The following GALNT13 variants were observed in gnomAD, a reference collection of about 807,000 sequenced individuals.
The protein encoded by GALNT13 is UDP-GalNAc:polypeptide N-acetylgalactosaminyltransferase 13.
GALNT13 carries 28 observed loss-of-function variants against 64.2 expected under a neutral mutation model. The ratio of observed to expected loss-of-function variants is 0.44; its 90% confidence interval spans 0.32 to 0.60. GALNT13 has a LOEUF of 0.60. Ranked by LOEUF, GALNT13 falls within the 20% of genes least tolerant of loss-of-function variation. The pLI is 0.05. For synonymous variants in GALNT13, 214 were observed against 224.6 expected (o/e 0.95, Z 0.42); for missense variants, 577 against 669.8 (o/e 0.86, Z 1.53).
intron 9 of GALNT13, among the ~76,000 whole-genome samples, chr2:154,393,890 A>G (rs1200346617): frequency 6.6e-6 from 1 of 151,118 alleles, no homozygotes; most frequent in East Asian, 2.0e-4. Flanking sequence ...CATCCCGGCT[A>G]AAACGGTGAA....
At chr2:154,107,324 G>A (rs1225647758) in intron 3 of GALNT13, among the ~76,000 whole-genome samples, 6 of 152,168 alleles carry the variant, frequency 3.9e-5, no homozygotes, top group African/African-American at 1.4e-4. Flanking sequence ...GCTGGGCACA[G>A]TGGCTCATGC....
chr2:153,662,398 AC>A, the GALNT13 span, among the ~76,000 whole-genome samples: 14 of 152,252 alleles, frequency 9.2e-5, no homozygotes, highest in Non-Finnish European at 1.6e-4. Flanking sequence ...GACTTGGTGC[AC>A]ATTAATCCCA....
chr2:153,356,739 T>C, the GALNT13 span: 8 of 150,912 alleles, frequency 5.3e-5, no homozygotes, highest in East Asian at 9.8e-4. Flanking sequence ...ATTGTATACA[T>C]AGAGGACAGA....
chr2:154,342,330 T>C (rs1419815818), intron 9 of GALNT13, among the ~76,000 whole-genome samples: 1 of 152,070 alleles, frequency 6.6e-6, no homozygotes, highest in Non-Finnish European at 1.5e-5. Context: ...CAAAATGTGA[T>C]TGAGTTCTTA....
intron 9 of GALNT13, among the ~76,000 whole-genome samples, chr2:154,364,323 CTG>C (rs1697240424): frequency 6.6e-6 from 1 of 152,174 alleles, no homozygotes. Context: ...TTTAACCTAA[CTG>C]TATAAAGCAT....
At chr2:154,165,024 C>A (rs78361073) in intron 4 of GALNT13, among the ~76,000 whole-genome samples, 1 of 151,994 alleles carries the variant, frequency 6.6e-6, no homozygotes, top group South Asian at 2.1e-4. Context: ...AAACTGAAAT[C>A]AAAGTGAAAC....
At chr2:154,003,297 G>A (rs576912838) in intron 3 of GALNT13, among the ~76,000 whole-genome samples, 1 of 152,280 alleles carries the variant, frequency 6.6e-6, no homozygotes, top group African/African-American at 2.4e-5. Context: ...GACTGGTGAG[G>A]AGATTAAACA....
At chr2:153,965,051 G>T (rs13409967) in intron 3 of GALNT13, among the ~76,000 whole-genome samples, 21,053 of 151,902 alleles carry the variant, frequency 0.14, 1,754 homozygotes, top group African/African-American at 0.23. Flanking sequence ...TAATGGAAAG[G>T]ATGTTTCAAT....
intron 3 of GALNT13, among the ~76,000 whole-genome samples, chr2:153,985,649 C>T (rs769034758): frequency 2.0e-5 from 3 of 151,880 alleles, no homozygotes; most frequent in Non-Finnish European, 4.4e-5. Flanking sequence ...TAGTGGACTC[C>T]ATCAGCTTAA....
intron 9 of GALNT13, among the ~76,000 whole-genome samples, chr2:154,375,136 C>G (rs1000206629): frequency 5.3e-5 from 8 of 152,018 alleles, no homozygotes; most frequent in Non-Finnish European, 1.0e-4. Flanking sequence ...TACAGGCGCC[C>G]GCCACCAAGC....
chr2:153,384,791 ATC>A, the GALNT13 span, among the ~76,000 whole-genome samples: 4 of 151,982 alleles, frequency 2.6e-5, no homozygotes, highest in Admixed American at 6.6e-5. Flanking sequence ...AGAAATAAAA[ATC>A]TCTTTTTTTC....
the GALNT13 span, among the ~76,000 whole-genome samples, chr2:153,617,462 C>G: frequency 1.3e-5 from 2 of 151,848 alleles, no homozygotes; most frequent in Non-Finnish European, 2.9e-5. Context: ...ATTTGGCTTT[C>G]TAGTATTTTG....
chr2:154,058,206 GA>G (rs1028462021), intron 3 of GALNT13, among the ~76,000 whole-genome samples: 3 of 152,108 alleles, frequency 2.0e-5, no homozygotes, highest in Non-Finnish European at 4.4e-5. Flanking sequence ...GAGGACATAA[GA>G]AGTTGGCTTT....
intron 9 of GALNT13, among the ~76,000 whole-genome samples, chr2:154,340,888 TTG>T (rs1197539241): frequency 1.1e-5 from 1 of 87,220 alleles, no homozygotes; most frequent in African/African-American, 3.7e-5. Context: ...TCTTTGTTCT[TTG>T]TGTGTATGAG....
At chr2:153,228,657 C>T in the GALNT13 span, among the ~76,000 whole-genome samples, 32 of 151,994 alleles carry the variant, frequency 2.1e-4, no homozygotes, top group East Asian at 5.8e-3. Context: ...GGTGGATCAC[C>T]AGGTCAAGAG....
intron 3 of GALNT13, among the ~76,000 whole-genome samples, chr2:153,961,990 C>T (rs1380720319): frequency 6.6e-6 from 1 of 152,060 alleles, no homozygotes; most frequent in Non-Finnish European, 1.5e-5. Flanking sequence ...AGTTTGGTAC[C>T]GTTTTCATGA....
chr2:153,108,400 T>G, the GALNT13 span, among the ~76,000 whole-genome samples: 1 of 152,130 alleles, frequency 6.6e-6, no homozygotes, highest in African/African-American at 2.4e-5. Context: ...ACAATTATTT[T>G]TTAACTCTTT....
At chr2:153,286,246 C>G in the GALNT13 span, among the ~76,000 whole-genome samples, 13 of 152,114 alleles carry the variant, frequency 8.5e-5, no homozygotes, top group African/African-American at 2.7e-4. Flanking sequence ...ATTTATAGTA[C>G]TTACCAGTAG....
At chr2:154,420,574 T>C (rs1302682634) in intron 11 of GALNT13, among the ~76,000 whole-genome samples, 1 of 152,106 alleles carries the variant, frequency 6.6e-6, no homozygotes, top group Non-Finnish European at 1.5e-5. Context: ...TATTTAATAC[T>C]TTTTTAATTA....
Sources: allele counts gnomAD v4.1 joint callset (sites outside exome capture counted in the v4.1 genomes callset), GRCh38; gene constraint gnomAD v4.1.1; transcripts MANE v1.5; gene names NCBI Gene and HGNC (gene_info 2026-07-23, HGNC 2026-07-21).